ERN2: variants seen among roughly 807,000 people sequenced by gnomAD.
ERN2 encodes the protein serine/threonine-protein kinase/endoribonuclease IRE2.
ERN2 carries 111 observed loss-of-function variants against 107.9 expected under a neutral mutation model. The observed-to-expected ratio is 1.03, with a 90% CI of 0.88 to 1.20. The LOEUF (loss-of-function observed/expected upper bound fraction) is 1.20. Ranked by LOEUF, ERN2 falls within the 50% of genes most tolerant of loss-of-function variation. ERN2 has a pLI of 0.00. For missense variants in ERN2, 1,225 were observed against 1,197.9 expected, an observed-to-expected ratio of 1.02 and a Z score of -0.33; for synonymous variants, 524 against 501.7, an observed-to-expected ratio of 1.04 and a Z score of -0.59.
rs747741050 is a variant in ERN2 at position 23,702,165 on chromosome 16, G to T, written c.1190C>A (p.Ala397Asp). Reference protein sequence around the residue: ...TRPPENTQAPAFFLELLSLSR... With the variant: ...TRPPENTQAPDFFLELLSLSR... ...CCCAGCACTGACCTCCAAGAAGAAGGCTGGGGCCTGGGTATTCTCTGGAGG... is the reference window on the plus strand; with the variant it reads ...CCCAGCACTGACCTCCAAGAAGAAGTCTGGGGCCTGGGTATTCTCTGGAGG... The change falls in exon 11 of 22, where the codon GCC (alanine) becomes GAC (aspartate). Residue 397 changes from alanine (A) to aspartate (D), a missense_variant. Ala to Asp is a moderately radical substitution (Grantham distance 126). Coordinates refer to ENST00000256797, the MANE Select transcript of ERN2 (RefSeq NM_033266.4). 6.2e-7 allele frequency: 1 copy of T among 1,613,654 alleles called. No homozygotes were observed. The highest frequency in any genetic ancestry group is 2.2e-5 in the East Asian group (1 of 44,876).
In ERN2 at chr16:23,702,685, C is replaced by T. The variant is rs1166620834; in HGVS notation, c.872G>A (p.Gly291Glu). ...GACATAGAAGCCAGTTTCATCCTTC[C>T]CCACATACAGCGTCATTCTAGTGGG... The part of the protein sequence containing the change: ...DTQLLMTLYV[G>E]KDETGFYVSK... Residue 291 changes from glycine to glutamate, a missense_variant, in exon 9 of 22, where the codon GGG becomes GAG. Transcript: ENST00000256797. 1.2e-6 allele frequency: 2 copies of T among 1,614,052 alleles called. No homozygotes were observed. Among genetic ancestry groups the T allele is most frequent in the East Asian group, 4.5e-5 (2 of 44,884 alleles).
At chr16:23,698,104 T>C (rs1250707699) in intron 13 of ERN2, among the ~76,000 whole-genome samples, 2 of 152,174 alleles carry the variant, frequency 1.3e-5, no homozygotes, top group African/African-American at 2.4e-5. Flanking sequence ...CATGATGGAC[T>C]TTGCTGCTGC....
In ERN2 at chr16:23,690,440, T is replaced by C. The variant is rs1959536337; in HGVS notation, c.*391A>G. On this transcript the variant is annotated 3_prime_UTR_variant, in exon 22 of 22. Coordinates refer to ENST00000256797, the MANE Select transcript of ERN2 (RefSeq NM_033266.4). ...CATCTCTGCTTCATCAGCCCCAGGC[T>C]GCCCAGCCTCTGCCAGTCTTGTGGG... 2 of 455,876 alleles carry C rather than the reference T, an allele frequency of 4.4e-6. No homozygotes were observed. Among genetic ancestry groups the C allele is most frequent in the East Asian group, 7.9e-5 (2 of 25,390 alleles). 28.2% of individuals were successfully genotyped at this position (455,876 alleles called of 1,614,324 possible).
At chr16:23,693,111 G>C (rs1205864039) in intron 17 of ERN2, among the ~76,000 whole-genome samples, 1 of 151,742 alleles carries the variant, frequency 6.6e-6, no homozygotes, top group East Asian at 1.9e-4. Context: ...TGGGCAACAT[G>C]GTGAGACCCT....
In ERN2 at chr16:23,690,609, C is replaced by T. The variant is rs1567241592; in HGVS notation, c.*222G>A. 6 of 570,654 alleles carry T rather than the reference C, an allele frequency of 1.1e-5. No homozygotes were observed. Among genetic ancestry groups the T allele is most frequent in the South Asian group, 1.0e-4 (5 of 49,636 alleles). 35.3% of individuals were successfully genotyped at this position (570,654 alleles called of 1,614,324 possible). ...AGCTGGGACTACAGGCGTGCGCCACCATGCCTGGCTAATTTTACAAATTTT... is the reference window on the plus strand; with the variant it reads ...AGCTGGGACTACAGGCGTGCGCCACTATGCCTGGCTAATTTTACAAATTTT... On this transcript the variant is annotated 3_prime_UTR_variant, in exon 22 of 22. Coordinates refer to ENST00000256797, the MANE Select transcript of ERN2 (RefSeq NM_033266.4).
rs976966049 is a variant in ERN2 at position 23,702,143 on chromosome 16, A to G, written c.1203+9T>C. 4.3e-6 allele frequency: 7 copies of G among 1,611,192 alleles called. No individual in the cohort carries two copies. The highest frequency in any genetic ancestry group is 2.7e-5 in the African/African-American group (2 of 74,840). ...CCCTACCCCCACTCTCTCCCCTCCC[A>G]GCACTGACCTCCAAGAAGAAGGCTG... On this transcript the variant is annotated intron_variant, in intron 11 of 21. Coordinates refer to ENST00000256797, the MANE Select transcript of ERN2 (RefSeq NM_033266.4).
intron 17 of ERN2, among the ~76,000 whole-genome samples, chr16:23,693,712 G>A (rs957769784): frequency 3.3e-5 from 5 of 152,106 alleles, no homozygotes; most frequent in African/African-American, 1.2e-4. Context: ...TCAACTTTAG[G>A]AGTGGGGGCA....
At chr16:23,708,422 T>C (rs1960411594) in intron 4 of ERN2, among the ~76,000 whole-genome samples, 1 of 142,770 alleles carries the variant, frequency 7.0e-6, no homozygotes, top group South Asian at 2.3e-4. Flanking sequence ...AGTGGTGCGG[T>C]CTTGGCTCGC....
intron 19 of ERN2, 55 bp from the exon 20 acceptor site, chr16:23,691,480 AG>A (rs1959596626): frequency 6.3e-6 from 10 of 1,576,374 alleles, no homozygotes; most frequent in Non-Finnish European, 8.6e-6. Context: ...CCACATAGCC[AG>A]GAGTGTGTTG....
chr16:23,695,955 T>G lies in ERN2; in HGVS notation c.1549A>C (p.Lys517Gln). The G allele has an allele frequency of 6.2e-7, 1 of 1,614,100 alleles. No individual in the cohort carries two copies. The highest frequency in any genetic ancestry group is 8.5e-7 in the Non-Finnish European group (1 of 1,179,952). The change falls in exon 14 of 22, where the codon AAG becomes CAG. Residue 517 changes from lysine (K) to glutamine (Q), a missense_variant. Coordinates refer to ENST00000256797, the MANE Select transcript of ERN2 (RefSeq NM_033266.4). Reference sequence around the variant, plus strand: ...ACGTCCTTGGGATTGAAGGAAATCTTCCCCACTACGGTGAGTTGCTCAGCT... The same window carrying G: ...ACGTCCTTGGGATTGAAGGAAATCTGCCCCACTACGGTGAGTTGCTCAGCT... ...PEAEQLTVVG[K>Q]ISFNPKDVLG... is the part of the protein sequence containing the mutation.
rs1167649357 is a variant in ERN2 at position 23,702,223 on chromosome 16, G to A, written c.1132C>T (p.Pro378Ser). ...TCTGCAGTTCCACTCCCCAGGGTGG[G>A]ATGGACCCTCAGCATGGTGGTGTGC... Reference protein sequence around the residue: ...VLHTTMLRVHPTLGSGTAETR... With the variant: ...VLHTTMLRVHSTLGSGTAETR... The change falls in exon 11 of 22, where the codon CCC (proline) becomes TCC (serine). Residue 378 changes from proline to serine, a missense_variant. Physicochemically the swap from Pro to Ser is moderately conservative, Grantham distance 74. Coordinates refer to ENST00000256797, the MANE Select transcript of ERN2 (RefSeq NM_033266.4). 2.5e-6 allele frequency: 4 copies of A among 1,614,152 alleles called. No individual in the cohort carries two copies. The highest frequency in any genetic ancestry group is 3.4e-6 in the Non-Finnish European group (4 of 1,179,992).
rs747761449 is a variant in ERN2 at position 23,708,347 on chromosome 16, CTTTTTTTTTT to C, written c.307-1278_307-1269del. The stretch of plus-strand genomic sequence containing the variant: ...CCAGATCTTTCCATTTGGTGCTATT[CTTTTTTTTTT>C]TTTTTTTTTTTTTTTTGGAGACATG... On this transcript the variant is annotated intron_variant, in intron 4 of 21. Coordinates refer to ENST00000256797, the MANE Select transcript of ERN2 (RefSeq NM_033266.4). Among the ~76,000 whole-genome samples the C allele has an allele frequency of 1.0e-3, 57 of 54,720 alleles. 2 individuals carry two copies. The highest frequency in any genetic ancestry group is 4.0e-3 in the African/African-American group (50 of 12,540). The allele number at this position is 54,720 out of a possible 152,430, so 35.9% of individuals were successfully genotyped here.
Position 23,710,532 on chromosome 16 carries a change from G to C in ERN2, c.217C>G (p.Pro73Ala), listed in dbSNP as rs750823473. Reference protein sequence around the residue: ...TLRDDPVIEGPMYVTEMAFLS... With the variant: ...TLRDDPVIEGAMYVTEMAFLS... ...TTCACTTACTCTGTGACGTACATTG[G>C]TCCTTCGATGACGGGATCTGCAGGG... Residue 73 changes from proline (P) to alanine (A), a missense_variant, in exon 3 of 22, where the codon CCA becomes GCA. By Grantham distance (27) the Pro-to-Ala change is conservative. Coordinates refer to ENST00000256797, the MANE Select transcript of ERN2 (RefSeq NM_033266.4). The C allele has an allele frequency of 6.2e-7, 1 of 1,614,168 alleles. No homozygotes were observed.
At chr16:23,700,852 A>AG (rs1960033120) in intron 12 of ERN2, 107 bp downstream of exon 12, 3 of 1,473,370 alleles carry the variant, frequency 2.0e-6, no homozygotes, top group Admixed American at 4.1e-5. Flanking sequence ...GGAGGGAGGC[A>AG]GGGGGCAAAA....
chr16:23,710,464 A>G, intron 3 of ERN2, 52 bp downstream of exon 3: 1 of 1,577,052 alleles, frequency 6.3e-7, no homozygotes, highest in Non-Finnish European at 8.7e-7. Context: ...GACAACTATG[A>G]GTCCCCCATC....
In ERN2 at chr16:23,706,852, T is replaced by C; in HGVS notation, c.389A>G (p.Gln130Arg). Residue 130 changes from glutamine to arginine, a missense_variant, in exon 6 of 22, where the codon CAG becomes CGG. Physicochemically the swap from Gln to Arg is conservative, Grantham distance 43 (BLOSUM62 1). Coordinates refer to ENST00000256797, the MANE Select transcript of ERN2 (RefSeq NM_033266.4). ...SDGVFYTGRK[Q>R]DAWFVVDPES... is the part of the protein sequence containing the mutation. The stretch of plus-strand genomic sequence containing the variant: ...AGGGTCCACCACAAACCAGGCATCC[T>C]GCTTCCGGCCTGTGGAGGTGGAAAG... 1.9e-6 allele frequency: 3 copies of C among 1,613,656 alleles called. No homozygotes were observed. The highest frequency in any genetic ancestry group is 2.5e-6 in the Non-Finnish European group (3 of 1,179,570).
In ERN2 at chr16:23,694,777, T is replaced by C; in HGVS notation, c.2051A>G (p.Glu684Gly). 6.2e-7 allele frequency: 1 copy of C among 1,612,858 alleles called. No individual in the cohort carries two copies. The highest frequency in any genetic ancestry group is 8.5e-7 in the Non-Finnish European group (1 of 1,179,642). Residue 684 changes from glutamate (E) to glycine (G), a missense_variant, in exon 17 of 22, where the codon GAA (glutamate) becomes GGA (glycine). By Grantham distance (98) the Glu-to-Gly change is moderately conservative (BLOSUM62 -2). Transcript: ENST00000256797. ...FSLHSGIPGT[E>G]GWMAPELLQL... The stretch of plus-strand genomic sequence containing the variant: ...CAGAAGCTCGGGCGCCATCCAGCCT[T>C]CCGTGCCGGGGATGCCGGAGTGGAG...
At chr16:23,707,239 C>G (rs1266567838) in intron 4 of ERN2, 160 bp from the exon 5 acceptor site, 1 of 640,532 alleles carries the variant, frequency 1.6e-6, no homozygotes. Flanking sequence ...TGTAACTTGG[C>G]TAATGTCACA....
chr16:23,692,344 A>G lies in ERN2; in HGVS notation c.2101-13T>C. ...CCACAGCGCTGGTCTGGAGCCAGAG[A>G]GATGGGCATGAGAAGGAAATCTCTG... On this transcript the variant is annotated splice_polypyrimidine_tract_variant and intron_variant, in intron 17 of 21. Transcript: ENST00000256797. 6.2e-7 allele frequency: 1 copy of G among 1,610,588 alleles called. No individual in the cohort carries two copies. Among genetic ancestry groups the G allele is most frequent in the Admixed American group, 1.7e-5 (1 of 60,018 alleles).
Sources: gnomAD v4.1 joint callset for allele counts (sites outside exome capture counted in the v4.1 genomes callset) on GRCh38, gnomAD v4.1.1 for gene constraint, MANE v1.5 for transcripts, NCBI Gene and HGNC (gene_info 2026-07-23, HGNC 2026-07-21) for gene names.